The following ERBB4 variants were observed in gnomAD, a reference collection of about 807,000 sequenced individuals.
ERBB4 encodes erb-b2 receptor tyrosine kinase 4.
Under a neutral mutation model 158.0 loss-of-function variants are expected in ERBB4, and 42 were observed. The ratio of observed to expected loss-of-function variants is 0.27; its 90% CI spans 0.21 to 0.34. The LOEUF (loss-of-function observed/expected upper bound fraction) is 0.34. ERBB4 is among the 10% of genes least tolerant of loss of function. The pLI is 1.00. For synonymous variants in ERBB4, 583 were observed against 558.7 expected (o/e 1.04, Z -0.61); for missense variants, 1,333 against 1,624.1 (o/e 0.82, Z 3.08).
chr2:211,603,206 G>A (rs1168885725), intron 19 of ERBB4, among the ~76,000 whole-genome samples: 1 of 151,972 alleles, frequency 6.6e-6, no homozygotes, highest in Non-Finnish European at 1.5e-5. Context: ...ACTGCAGCCC[G>A]GGCGACAGAG....
chr2:212,221,958 A>G (rs956065328), intron 1 of ERBB4, among the ~76,000 whole-genome samples: 7 of 151,572 alleles, frequency 4.6e-5, no homozygotes, highest in Admixed American at 2.6e-4. Flanking sequence ...TCTCTTTTTC[A>G]AAGTATCCAC....
chr2:212,317,560 C>A (rs1177643747), intron 1 of ERBB4, among the ~76,000 whole-genome samples: 2 of 151,540 alleles, frequency 1.3e-5, no homozygotes, highest in East Asian at 3.9e-4. Flanking sequence ...CGAAATTAAT[C>A]ATTTTTGTAT....
chr2:212,021,644 T>G (rs1038867068), intron 2 of ERBB4, among the ~76,000 whole-genome samples: 1 of 152,006 alleles, frequency 6.6e-6, no homozygotes, highest in Non-Finnish European at 1.5e-5. Context: ...GGCAATACCA[T>G]TCAGGACATG....
rs574949911 is a variant in ERBB4, at chr2:212,057,105, C to CA, written c.234+67646dup. Among the ~76,000 whole-genome samples, 280 of 151,494 alleles carry CA rather than the reference C, an allele frequency of 1.8e-3. 1 individual carries two copies. Among genetic ancestry groups the CA allele is most frequent in the African/African-American group, 5.3e-3 (217 of 41,286 alleles). The stretch of plus-strand genomic sequence containing the variant: ...GAAGATCTACCAAGCAAATGGAAAA[C>CA]AAAAAAAAGGCAGCGGTTGCAATCC... On this transcript the variant is annotated intron_variant, in intron 2 of 27. Coordinates refer to ENST00000342788, the MANE Select transcript of ERBB4 (RefSeq NM_005235.3).
At chr2:211,552,961 T>C (rs1312159504) in intron 20 of ERBB4, among the ~76,000 whole-genome samples, 3 of 145,224 alleles carry the variant, frequency 2.1e-5, no homozygotes, top group African/African-American at 7.8e-5. Flanking sequence ...TTTTCAATAT[T>C]ACAAATAATA....
At chr2:211,679,570 T>C (rs534199948) in intron 12 of ERBB4, among the ~76,000 whole-genome samples, 78 of 151,954 alleles carry the variant, frequency 5.1e-4, no homozygotes, top group African/African-American at 1.7e-3. Flanking sequence ...CATGAAGAAA[T>C]AGAAAACAAT....
intron 1 of ERBB4, among the ~76,000 whole-genome samples, chr2:212,250,294 T>C (rs914568410): frequency 6.6e-6 from 1 of 152,154 alleles, no homozygotes; most frequent in Non-Finnish European, 1.5e-5. Context: ...CTATGAAAGA[T>C]AATCTCCTTA....
intron 15 of ERBB4, among the ~76,000 whole-genome samples, chr2:211,659,544 A>G (rs1442447728): frequency 6.6e-6 from 1 of 152,130 alleles, no homozygotes; most frequent in East Asian, 1.9e-4. Context: ...ATTTTGTAAA[A>G]TTAAAAGTCT....
At chr2:212,441,408 G>T (rs1397990813) in intron 1 of ERBB4, among the ~76,000 whole-genome samples, 1 of 152,186 alleles carries the variant, frequency 6.6e-6, no homozygotes, top group East Asian at 1.9e-4. Context: ...CTCCTCAGGA[G>T]CCACCCCCAT....
intron 2 of ERBB4, among the ~76,000 whole-genome samples, chr2:211,981,977 T>C (rs2081812127): frequency 6.6e-6 from 1 of 152,142 alleles, no homozygotes; most frequent in South Asian, 2.1e-4. Flanking sequence ...ATACCATATT[T>C]TGGAATAAAT....
chr2:211,638,474 A>T (rs1455825654), intron 16 of ERBB4, among the ~76,000 whole-genome samples: 1 of 152,174 alleles, frequency 6.6e-6, no homozygotes, highest in Non-Finnish European at 1.5e-5. Context: ...AGCAAATGAA[A>T]GTGATCTTAC....
intron 1 of ERBB4, 81 bp from the exon 2 acceptor site, chr2:212,124,984 C>T (rs549283609): frequency 6.6e-7 from 1 of 1,503,946 alleles, no homozygotes; most frequent in African/African-American, 1.4e-5. Flanking sequence ...TCAAAACTCT[C>T]TATTCCACAA....
rs191193386 is a variant in ERBB4, at chr2:211,947,951, G to A, written c.235-335C>T. Among the ~76,000 whole-genome samples, 139 of 152,164 alleles carry A rather than the reference G, an allele frequency of 9.1e-4. 1 individual carries two copies. Among genetic ancestry groups the A allele is most frequent in the African/African-American group, 3.2e-3 (133 of 41,536 alleles). On this transcript the variant is annotated intron_variant, in intron 2 of 27. Coordinates refer to ENST00000342788, the MANE Select transcript of ERBB4 (RefSeq NM_005235.3). The stretch of plus-strand genomic sequence containing the variant: ...TTATCAACAGACTACAATAAGTTAA[G>A]GACACACAACCATCAGTCAAACTTT...
intron 20 of ERBB4, among the ~76,000 whole-genome samples, chr2:211,453,526 GCACATAA>G (rs1270454241): frequency 6.6e-6 from 1 of 152,066 alleles, no homozygotes; most frequent in Non-Finnish European, 1.5e-5. Context: ...AAATGAAACA[GCACATAA>G]CATGTACAAT....
At chr2:211,726,354 G>A (rs187009778) in intron 5 of ERBB4, among the ~76,000 whole-genome samples, 5 of 152,150 alleles carry the variant, frequency 3.3e-5, no homozygotes, top group Admixed American at 3.3e-4. Context: ...AGTTCTCTGT[G>A]GAGCTACAGC....
intron 1 of ERBB4, among the ~76,000 whole-genome samples, chr2:212,473,224 C>G (rs1377095091): frequency 1.3e-5 from 2 of 151,916 alleles, no homozygotes; most frequent in African/African-American, 4.8e-5. Context: ...ATCATTTCAT[C>G]TTTCTGACAG....
At chr2:211,716,360 CT>C (rs1487489368) in intron 7 of ERBB4, among the ~76,000 whole-genome samples, 1 of 51,282 alleles carries the variant, frequency 1.9e-5, no homozygotes, top group African/African-American at 1.2e-4. Flanking sequence ...GAAACTCTGT[CT>C]CAAAAAAAAA....
At chr2:212,142,909 A>G (rs2080532695) in intron 1 of ERBB4, among the ~76,000 whole-genome samples, 1 of 151,856 alleles carries the variant, frequency 6.6e-6, no homozygotes, top group South Asian at 2.1e-4. Flanking sequence ...TGCCTATGTA[A>G]TTGGAAAATA....
chr2:211,834,571 A>AT (rs1392382071), intron 3 of ERBB4, among the ~76,000 whole-genome samples: 4 of 148,870 alleles, frequency 2.7e-5, no homozygotes, highest in South Asian at 2.1e-4. Flanking sequence ...AACAGTTAAT[A>AT]TTTTTTTACT....
Sources: gnomAD v4.1 joint callset for allele counts (sites outside exome capture counted in the v4.1 genomes callset) on GRCh38, gnomAD v4.1.1 for gene constraint, MANE v1.5 for transcripts, NCBI Gene and HGNC (gene_info 2026-07-23, HGNC 2026-07-21) for gene names.